The following SMC4 variants were observed in gnomAD, a reference collection of about 807,000 sequenced individuals.
SMC4 encodes structural maintenance of chromosomes protein 4.
Under a neutral mutation model 145.6 loss-of-function variants are expected in SMC4, and 87 were observed. The ratio of observed to expected loss-of-function variants is 0.60; its 90% CI spans 0.50 to 0.71. The LOEUF (loss-of-function observed/expected upper bound fraction) is 0.71. Ranked by LOEUF, SMC4 falls within the 30% of genes least tolerant of loss-of-function variation. SMC4 has a pLI of 0.00. For missense variants in SMC4, 1,447 were observed against 1,537.1 expected (o/e 0.94, Z 0.98); for synonymous variants, 558 against 500.7 (o/e 1.11, Z -1.53).
chr3:160,406,922 T>C (rs1157083231), intron 5 of SMC4, among the ~76,000 whole-genome samples: 3 of 152,328 alleles, frequency 2.0e-5, no homozygotes, highest in South Asian at 4.1e-4. Flanking sequence ...AAAAAGTTTG[T>C]TGTGATTGAC....
intron 11 of SMC4, among the ~76,000 whole-genome samples, chr3:160,419,049 T>G (rs1434817289): frequency 6.6e-6 from 1 of 152,230 alleles, no homozygotes; most frequent in African/African-American, 2.4e-5. Context: ...TATAACTATG[T>G]AGTATCAAAC....
In SMC4 at chr3:160,431,841, GTA is replaced by G; in HGVS notation, c.3297+18_3297+19del. The G allele has an allele frequency of 2.5e-6, 4 of 1,596,674 alleles. No individual in the cohort carries two copies. The South Asian group carries it at 4.6e-5, about 18-fold the overall frequency. On this transcript the variant is annotated intron_variant, in intron 21 of 23. Transcript: ENST00000357388. ...TAAAAAGAAGGTATGAATGAACTGT[GTA>G]TGTATACTAGTTGGAGTTCTTTTTA...
At chr3:160,433,618 T>G in intron 23 of SMC4, 39 bp from the exon 24 acceptor site, 2 of 1,300,330 alleles carry the variant, frequency 1.5e-6, no homozygotes, top group Non-Finnish European at 2.1e-6. Context: ...GATTTACCTG[T>G]TATTACTTAA....
At position 160,413,596 on chromosome 3, in the gene SMC4, T is replaced by G. The variant is rs1716257074; in HGVS notation, c.1104T>G (p.Asp368Glu). The G allele has an allele frequency of 1.4e-6, 2 of 1,416,582 alleles. No homozygotes were observed. The highest frequency in any genetic ancestry group is 9.7e-7 in the Non-Finnish European group (1 of 1,030,158). The allele number at this position is 1,416,582 out of a possible 1,614,324, so 87.8% of individuals were successfully genotyped here. ...LSNEMKAKNKDVKDTEKKLNK... is the reference protein window; with the variant it reads ...LSNEMKAKNKEVKDTEKKLNK... Reference sequence around the variant, plus strand: ...ATGAAATGAAAGCTAAGAATAAAGATGTAAAAGATACAGAAAAGTAATAAT... The same window carrying G: ...ATGAAATGAAAGCTAAGAATAAAGAGGTAAAAGATACAGAAAAGTAATAAT... Residue 368 changes from aspartate (D) to glutamate (E), a missense_variant, in exon 8 of 24, where the codon GAT becomes GAG. Asp to Glu is a conservative substitution (Grantham distance 45). Transcript: ENST00000357388.
At chr3:160,411,423 AAG>A (rs1715980438) in intron 5 of SMC4, among the ~76,000 whole-genome samples, 1 of 152,198 alleles carries the variant, frequency 6.6e-6, no homozygotes, top group Non-Finnish European at 1.5e-5. Context: ...TTTGTAGAGA[AAG>A]TTGGTAATAC....
At chr3:160,413,831 C>A in intron 8 of SMC4, 4 of 361,708 alleles carry the variant, frequency 1.1e-5, no homozygotes, top group Non-Finnish European at 2.0e-5. Context: ...GGATGCTACC[C>A]CCTAGTGGCG....
chr3:160,420,886 T>A lies in SMC4; in HGVS notation c.2004T>A (p.Phe668Leu), dbSNP rs773620299. 6.2e-7 allele frequency: 1 copy of A among 1,610,350 alleles called. No individual in the cohort carries two copies. Among genetic ancestry groups the A allele is most frequent in the East Asian group, 2.2e-5 (1 of 44,814 alleles). ...GACAAAATATTGGAGTTGCAACCTT[T>A]ATAGGTTTAGATAAGGTGGGTATTC... ...LKRQNIGVAT[F>L]IGLDKMAVWA... Residue 668 changes from phenylalanine to leucine, a missense_variant, in exon 13 of 24, where the codon TTT becomes TTA. Physicochemically the swap from Phe to Leu is conservative, Grantham distance 22 (BLOSUM62 0). Coordinates refer to ENST00000357388, the MANE Select transcript of SMC4 (RefSeq NM_001002800.3).
chr3:160,426,484 T>TC (rs1717807397), intron 17 of SMC4, among the ~76,000 whole-genome samples: 1 of 152,136 alleles, frequency 6.6e-6, no homozygotes, highest in Non-Finnish European at 1.5e-5. Context: ...CCCTAATCTT[T>TC]CCAAAACCCC....
intron 4 of SMC4, among the ~76,000 whole-genome samples, chr3:160,403,378 G>C (rs1714930382): frequency 1.3e-5 from 2 of 152,038 alleles, no homozygotes; most frequent in African/African-American, 4.8e-5. Context: ...GCTAATGTTT[G>C]TTTTCTAGAA....
At chr3:160,425,048 G>GTGTGTGTGTGTGTT (rs1250674787) in intron 16 of SMC4, 29 bp downstream of exon 16, 20 of 1,560,802 alleles carry the variant, frequency 1.3e-5, no homozygotes, top group Admixed American at 3.9e-5. Context: ...GTGTGTGTGT[G>GTGTGTGTGTGTGTT]TGTGTACTGA....
chr3:160,400,941 A>T lies in SMC4; in HGVS notation c.115A>T (p.Thr39Ser). The change falls in exon 2 of 24, where the codon ACG becomes TCG. Residue 39 changes from threonine (T) to serine (S), a missense_variant. Coordinates refer to ENST00000357388, the MANE Select transcript of SMC4 (RefSeq NM_001002800.3). ...GGAGCCTGAGCCGCCGTCCGGCCGCACGGAGAGCCCAGCCACCGCCGCAGG... is the reference window on the plus strand; with the variant it reads ...GGAGCCTGAGCCGCCGTCCGGCCGCTCGGAGAGCCCAGCCACCGCCGCAGG... Reference protein sequence around the residue: ...DAEPEPPSGRTESPATAAETA... With the variant: ...DAEPEPPSGRSESPATAAETA... 6.9e-7 allele frequency: 1 copy of T among 1,459,426 alleles called. No homozygotes were observed. Among genetic ancestry groups the T allele is most frequent in the East Asian group, 2.9e-5 (1 of 34,398 alleles). 90.4% of individuals were successfully genotyped at this position (1,459,426 alleles called of 1,614,324 possible).
At position 160,419,477 on chromosome 3, in the gene SMC4, G is replaced by T. The variant is rs1411057895; in HGVS notation, c.1791G>T (p.Gly597=). The T allele has an allele frequency of 2.5e-6, 4 of 1,610,006 alleles. No homozygotes were observed. Among genetic ancestry groups the T allele is most frequent in the Non-Finnish European group, 3.4e-6 (4 of 1,179,110 alleles). ...KSSLAMNRSR[G]KVLDAIIQEK... ...CATTAGCAATGAATCGAAGTAGGGG[G>T]AAAGTCCTTGATGCAATAATTCAAG... is the stretch of plus-strand genomic sequence containing the variant. Residue 597 remains glycine, a synonymous_variant, in exon 12 of 24, where the codon GGG becomes GGT. Coordinates refer to ENST00000357388, the MANE Select transcript of SMC4 (RefSeq NM_001002800.3).
At chr3:160,407,343 A>G (rs1010009197) in intron 5 of SMC4, among the ~76,000 whole-genome samples, 4 of 152,174 alleles carry the variant, frequency 2.6e-5, no homozygotes, top group African/African-American at 7.2e-5. Flanking sequence ...ACTTGAGCCC[A>G]GGAGTTGGAG....
intron 7 of SMC4, 179 bp downstream of exon 7, chr3:160,412,632 C>T (rs1164524263): frequency 2.5e-6 from 3 of 1,177,398 alleles, no homozygotes; most frequent in South Asian, 2.0e-5. Context: ...GAGGCTAAGG[C>T]AGGAGGATCA....
At chr3:160,422,732 C>T (rs1243402553) in intron 13 of SMC4, among the ~76,000 whole-genome samples, 1 of 152,112 alleles carries the variant, frequency 6.6e-6, no homozygotes, top group African/African-American at 2.4e-5. Flanking sequence ...CTGCCTAATC[C>T]AAGGTCACAG....
chr3:160,404,626 A>G, intron 5 of SMC4, 122 bp downstream of exon 5: 1 of 875,334 alleles, frequency 1.1e-6, no homozygotes, highest in Non-Finnish European at 2.0e-6. Flanking sequence ...ATCATGGTTT[A>G]CATGCTACAG....
chr3:160,415,728 T>TA (rs1462123179), intron 9 of SMC4, among the ~76,000 whole-genome samples: 2 of 152,248 alleles, frequency 1.3e-5, no homozygotes, highest in Non-Finnish European at 2.9e-5. Flanking sequence ...GTGTAACTGT[T>TA]ACAGAGTGAT....
At chr3:160,423,694 C>T (rs1156440982) in intron 14 of SMC4, 44 bp downstream of exon 14, 1 of 1,594,762 alleles carries the variant, frequency 6.3e-7, no homozygotes, top group Non-Finnish European at 8.6e-7. Flanking sequence ...TTTCCCCCCA[C>T]AGCATTGACT....
rs1717462278 is a variant in SMC4, at chr3:160,423,778, G to A, written c.2263G>A (p.Gly755Arg). The A allele has an allele frequency of 6.2e-7, 1 of 1,613,476 alleles. No homozygotes were observed. Among genetic ancestry groups the A allele is most frequent in the Admixed American group, 1.7e-5 (1 of 59,944 alleles). ...IEQSGTMTGG[G>R]SKVMKGRMGS... is the part of the protein sequence containing the mutation. ...TTTTCCAGGTACAATGACTGGTGGT[G>A]GAAGCAAAGTAATGAAAGGAAGAAT... Residue 755 changes from glycine to arginine, a missense_variant, in exon 15 of 24, where the codon GGA (glycine) becomes AGA (arginine). Physicochemically the swap from Gly to Arg is moderately radical, Grantham distance 125. Coordinates refer to ENST00000357388, the MANE Select transcript of SMC4 (RefSeq NM_001002800.3).
Sources: allele counts gnomAD v4.1 joint callset (sites outside exome capture counted in the v4.1 genomes callset), GRCh38; gene constraint gnomAD v4.1.1; transcripts MANE v1.5; gene names NCBI Gene and HGNC (gene_info 2026-07-23, HGNC 2026-07-21).